The following MAX variants were observed in gnomAD, a reference collection of about 807,000 sequenced individuals.
MAX encodes protein max.
In MAX, 3 loss-of-function variants were observed where a neutral mutation model predicts 22.3. The ratio of observed to expected loss-of-function variants is 0.13; its 90% CI spans 0.06 to 0.35. The LOEUF is 0.35. MAX is among the 10% of genes least tolerant of loss of function. The probability of loss-of-function intolerance (pLI) is 1.00; values close to 1 mark genes in which losing one functional copy is unlikely to be tolerated. For synonymous variants in MAX, 72 were observed against 77.7 expected (o/e 0.93, Z 0.39); for missense variants, 119 against 209.4 (o/e 0.57, Z 2.66).
At chr14:65,080,906 A>G (rs893933990) in intron 3 of MAX, among the ~76,000 whole-genome samples, 3 of 152,212 alleles carry the variant, frequency 2.0e-5, no homozygotes, top group Non-Finnish European at 4.4e-5. Flanking sequence ...ATATTTATAC[A>G]TGAAACCAGG....
intron 2 of MAX, chr14:65,094,132 A>C (rs1490614334): frequency 1.3e-5 from 5 of 374,564 alleles, no homozygotes; most frequent in African/African-American, 1.0e-4. Flanking sequence ...CAACTTGCTT[A>C]TGTGACAGAA....
chr14:65,055,006 CTG>C (rs773692581), intron 3 of MAX, among the ~76,000 whole-genome samples: 3 of 152,246 alleles, frequency 2.0e-5, no homozygotes, highest in African/African-American at 4.8e-5. Context: ...CACTCTGAGG[CTG>C]TGAGTCCCAG....
intron 3 of MAX, among the ~76,000 whole-genome samples, chr14:65,024,258 AT>A (rs1467018924): frequency 5.9e-5 from 9 of 152,178 alleles, no homozygotes; most frequent in Admixed American, 4.6e-4. Flanking sequence ...TTTAAAAAAA[AT>A]ACTGCCACCT....
At chr14:65,040,951 G>T (rs955568247) in intron 3 of MAX, 11 of 1,607,976 alleles carry the variant, frequency 6.8e-6, no homozygotes, top group Non-Finnish European at 8.5e-6. Flanking sequence ...CCCCTCTCAG[G>T]CCCCAGGTCA....
rs1303944827 is a variant in MAX at position 65,079,212 on chromosome 14, C to T, written c.172-1176G>A. On this transcript the variant is annotated intron_variant, in intron 3 of 4. Transcript: ENST00000358664. The surrounding 1 kb of genome is among the most constrained non-coding windows in gnomAD (Gnocchi z 4.5). ...ACTCTGAAACCACTGTTAACTATTC[C>T]GAACTGAACAATGCTGCTGTGTCAC... 6.6e-6 allele frequency among the ~76,000 whole-genome samples: 1 copy of T among 152,188 alleles called. No individual in the cohort carries two copies. The highest frequency in any genetic ancestry group is 2.4e-5 in the African/African-American group (1 of 41,450).
chr14:65,015,410 C>CTT (rs888923691), intron 3 of MAX: 8,839 of 155,396 alleles, frequency 0.057, 391 homozygotes, highest in Admixed American at 0.11. Context: ...GCCTTGTTAT[C>CTT]TTTTTTTTTT....
At chr14:65,051,448 T>C (rs1055445826) in intron 3 of MAX, among the ~76,000 whole-genome samples, 2 of 151,920 alleles carry the variant, frequency 1.3e-5, no homozygotes, top group African/African-American at 4.8e-5. Context: ...ATGTCTCTAC[T>C]AAAAATACAA....
At chr14:65,095,033 T>C (rs562961465) in intron 2 of MAX, among the ~76,000 whole-genome samples, 1 of 152,308 alleles carries the variant, frequency 6.6e-6, no homozygotes, top group South Asian at 2.1e-4. Flanking sequence ...CTCACATTAA[T>C]CCTTGTACTA....
chr14:65,095,038 G>A (rs531876116), intron 2 of MAX, among the ~76,000 whole-genome samples: 5 of 152,346 alleles, frequency 3.3e-5, no homozygotes, highest in Admixed American at 6.5e-5. Flanking sequence ...ATTAATCCTT[G>A]TACTAGAGAA....
intron 3 of MAX, among the ~76,000 whole-genome samples, chr14:65,056,277 A>G (rs76688468): frequency 0.13 from 19,035 of 152,122 alleles, 2,508 homozygotes; most frequent in African/African-American, 0.34. Flanking sequence ...ATACTCCCTT[A>G]TATAAATGTA....
chr14:65,068,375 C>T (rs1166357567), intron 3 of MAX, among the ~76,000 whole-genome samples: 2 of 152,150 alleles, frequency 1.3e-5, no homozygotes, highest in African/African-American at 4.8e-5. Context: ...GCAGAGGTTG[C>T]AGTGAGCTGA....
Position 65,062,961 on chromosome 14 carries a change from C to T in MAX, c.171+30747G>A, listed in dbSNP as rs2062891546. On this transcript the variant is annotated intron_variant, in intron 3 of 3. Transcript: ENST00000341653. The surrounding 1 kb of genome is among the most constrained non-coding windows in gnomAD (Gnocchi z 4.3). ...GACAGCAAGGACTGGGCCTAGTAGC[C>T]CCAGAGCAGGCTGACTTAGCAAGGG... 6.6e-6 allele frequency among the ~76,000 whole-genome samples: 1 copy of T among 152,182 alleles called. No homozygotes were observed. The highest frequency in any genetic ancestry group is 2.4e-5 in the African/African-American group (1 of 41,452).
At chr14:65,026,822 A>T (rs1235533904) in intron 3 of MAX, among the ~76,000 whole-genome samples, 1 of 151,754 alleles carries the variant, frequency 6.6e-6, no homozygotes, top group African/African-American at 2.4e-5. Context: ...AGATCACACC[A>T]CTGCACTGCA....
At position 65,058,808 on chromosome 14, in the gene MAX, AGT is replaced by A. The variant is rs2062799670; in HGVS notation, c.171+34898_171+34899del. Among the ~76,000 whole-genome samples the A allele has an allele frequency of 2.0e-5, 3 of 152,126 alleles. No individual in the cohort carries two copies. The South Asian group carries it at 6.2e-4, about 32-fold the overall frequency. On this transcript the variant is annotated intron_variant, in intron 3 of 3. Coordinates refer to the MAX transcript ENST00000341653. ...AGCCCTTCTTGGTCATAGTAGAGGC[AGT>A]GTGTCTGTGTCTGTGTGTTTTGTTC...
chr14:65,080,853 C>T (rs906758244), intron 3 of MAX, among the ~76,000 whole-genome samples: 13 of 152,154 alleles, frequency 8.5e-5, no homozygotes, highest in African/African-American at 3.1e-4. Flanking sequence ...TAATGAATGA[C>T]CAGACTGAGT....
At chr14:65,060,077 T>C (rs1439073720) in intron 3 of MAX, among the ~76,000 whole-genome samples, 1 of 151,554 alleles carries the variant, frequency 6.6e-6, no homozygotes, top group Non-Finnish European at 1.5e-5. Flanking sequence ...GGGTGATCCA[T>C]CCACCTCGGC....
At chr14:65,081,058 G>A (rs2063186620) in intron 3 of MAX, among the ~76,000 whole-genome samples, 1 of 152,188 alleles carries the variant, frequency 6.6e-6, no homozygotes, top group South Asian at 2.1e-4. Context: ...TCAGAACATA[G>A]TGTCTTGGGA....
intron 3 of MAX, among the ~76,000 whole-genome samples, chr14:65,056,828 C>G (rs896567678): frequency 1.2e-4 from 19 of 152,252 alleles, no homozygotes; most frequent in African/African-American, 4.3e-4. Flanking sequence ...AAGAGAATAC[C>G]TGAGACTAGG....
chr14:65,077,207 C>T lies in MAX; in HGVS notation c.296-544G>A. On this transcript the variant is annotated intron_variant, in intron 4 of 4. Transcript: ENST00000358664. This position sits in a 1 kb window ranked among gnomAD's most constrained non-coding sequence, Gnocchi z 6.3. ...CAAATAGCCCCTACATGCAGGCTGC[C>T]TGGCCCAGTAACCAACCCACTGACA... 2 of 685,772 alleles carry T rather than the reference C, an allele frequency of 2.9e-6. No homozygotes were observed. The highest frequency in any genetic ancestry group is 5.2e-6 in the Non-Finnish European group (2 of 383,918). 42.5% of individuals were successfully genotyped at this position (685,772 alleles called of 1,614,324 possible).
Sources: allele counts gnomAD v4.1 joint callset (sites outside exome capture counted in the v4.1 genomes callset), GRCh38; gene constraint gnomAD v4.1.1; non-coding constraint Gnocchi (gnomAD v3.1); transcripts MANE v1.5; gene names NCBI Gene and HGNC (gene_info 2026-07-23, HGNC 2026-07-21).